The following SYT14 variants were observed in gnomAD, a reference collection of about 807,000 sequenced individuals.
SYT14 encodes the protein synaptotagmin 14, also known as synaptotagmin-14.
In SYT14, 32 loss-of-function variants were observed where a neutral mutation model predicts 74.2. That is an observed-to-expected ratio of 0.43 (90% CI 0.33 to 0.58). The LOEUF is 0.58. SYT14 is among the 20% of genes least tolerant of loss of function. SYT14 has a pLI of 0.05. For missense variants in SYT14, 791 were observed against 981.8 expected (o/e 0.81, Z 2.60); for synonymous variants, 298 against 337.7 (o/e 0.88, Z 1.29).
intron 7 of SYT14, among the ~76,000 whole-genome samples, chr1:210,147,188 CAA>C (rs1398773139): frequency 1.3e-5 from 2 of 151,162 alleles, no homozygotes; most frequent in African/African-American, 2.4e-5. Context: ...AAGAATAAGA[CAA>C]TGTGGGAAAA....
chr1:209,938,335 T>C, intron 1 of SYT14, 58 bp downstream of exon 1: 1 of 1,514,286 alleles, frequency 6.6e-7, no homozygotes, highest in Non-Finnish European at 8.9e-7. Context: ...GGCGGGGGGC[T>C]CGGAGGTGCG....
intron 3 of SYT14, among the ~76,000 whole-genome samples, chr1:210,015,482 G>C (rs1326959646): frequency 6.6e-6 from 1 of 152,146 alleles, no homozygotes; most frequent in Non-Finnish European, 1.5e-5. Context: ...GCATATAGTA[G>C]CCACTCAGCA....
intron 5 of SYT14, among the ~76,000 whole-genome samples, chr1:210,090,535 A>G (rs1012660091): frequency 2.6e-5 from 4 of 152,290 alleles, no homozygotes; most frequent in East Asian, 1.9e-4. Context: ...TGTAGGTGCT[A>G]TGCAATATGC....
chr1:210,032,159 T>C (rs2080552171), intron 5 of SYT14, among the ~76,000 whole-genome samples: 1 of 152,070 alleles, frequency 6.6e-6, no homozygotes, highest in South Asian at 2.1e-4. Context: ...CTGAAGATGC[T>C]AGATTAAGAA....
At chr1:209,976,858 C>G (rs1338569599) in intron 2 of SYT14, among the ~76,000 whole-genome samples, 1 of 152,054 alleles carries the variant, frequency 6.6e-6, no homozygotes, top group East Asian at 1.9e-4. Context: ...TTGTAGGTCT[C>G]TAAGGACTTG....
chr1:210,058,550 A>G (rs2081142156), intron 5 of SYT14, among the ~76,000 whole-genome samples: 1 of 152,216 alleles, frequency 6.6e-6, no homozygotes, highest in Admixed American at 6.5e-5. Context: ...TGCTGACCAC[A>G]GGGGAAGACT....
chr1:210,148,779 A>G (rs1345653803), intron 7 of SYT14, among the ~76,000 whole-genome samples: 1 of 152,194 alleles, frequency 6.6e-6, no homozygotes, highest in African/African-American at 2.4e-5. Flanking sequence ...TTCAGTGAAC[A>G]AGTAACTTCT....
intron 2 of SYT14, among the ~76,000 whole-genome samples, chr1:209,998,567 C>G (rs911123401): frequency 6.6e-5 from 10 of 151,926 alleles, no homozygotes; most frequent in African/African-American, 2.2e-4. Flanking sequence ...GCTATAGTAA[C>G]AGAACAGCAT....
intron 2 of SYT14, 122 bp downstream of exon 2, chr1:209,952,878 C>A (rs538981611): frequency 2.7e-6 from 3 of 1,129,586 alleles, no homozygotes; most frequent in Non-Finnish European, 3.9e-6. Flanking sequence ...TAAATATTAA[C>A]ATTTGTCTTA....
intron 2 of SYT14, chr1:209,965,965 G>C (rs935088223): frequency 2.2e-6 from 1 of 454,166 alleles, no homozygotes; most frequent in South Asian, 1.6e-5. Context: ...CCGCCTCCTG[G>C]GTTCAAACGA....
chr1:210,049,838 TG>T (rs2080958841), intron 5 of SYT14, among the ~76,000 whole-genome samples: 1 of 152,192 alleles, frequency 6.6e-6, no homozygotes, highest in Admixed American at 6.5e-5. Context: ...ATGGAGCAGC[TG>T]TGATGCAGGG....
chr1:210,163,667 C>T (rs2083418508), exon 10 of SYT14: 1 of 453,716 alleles, frequency 2.2e-6, no homozygotes, highest in Non-Finnish European at 4.4e-6. Context: ...GCAAAATATA[C>T]ATTTGTTTCT....
chr1:210,007,530 G>A (rs531753460), intron 2 of SYT14, among the ~76,000 whole-genome samples: 2 of 152,090 alleles, frequency 1.3e-5, no homozygotes, highest in Admixed American at 1.3e-4. Context: ...ATTTTGAATA[G>A]TAACTTGAAT....
intron 5 of SYT14, among the ~76,000 whole-genome samples, chr1:210,060,326 C>CTACT (rs1392982700): frequency 6.6e-6 from 1 of 152,092 alleles, no homozygotes; most frequent in Non-Finnish European, 1.5e-5. Context: ...CTAAGTAGAG[C>CTACT]TACTAAAATT....
At chr1:210,120,610 A>G (rs1422941383) in intron 7 of SYT14, among the ~76,000 whole-genome samples, 1 of 152,170 alleles carries the variant, frequency 6.6e-6, no homozygotes, top group East Asian at 1.9e-4. Context: ...TATACCATCT[A>G]GGTTTGTGTA....
chr1:209,971,666 A>T (rs529826363), intron 2 of SYT14, among the ~76,000 whole-genome samples: 15 of 152,156 alleles, frequency 9.9e-5, no homozygotes, highest in African/African-American at 3.6e-4. Flanking sequence ...TTCTTAACTC[A>T]GTTTATGCGG....
intron 2 of SYT14, among the ~76,000 whole-genome samples, chr1:209,965,426 T>C (rs527523564): frequency 4.6e-5 from 7 of 152,344 alleles, no homozygotes; most frequent in African/African-American, 1.7e-4. Context: ...TTCCATGATA[T>C]ATATGTACCA....
exon 10 of SYT14, chr1:210,164,418 A>G (rs1168170490): frequency 5.8e-6 from 1 of 172,478 alleles, no homozygotes; most frequent in Non-Finnish European, 1.3e-5. Context: ...CATTTGCTTG[A>G]TACCATCATC....
chr1:209,975,179 C>G (rs1572094984), intron 2 of SYT14, among the ~76,000 whole-genome samples: 1 of 152,188 alleles, frequency 6.6e-6, no homozygotes, highest in African/African-American at 2.4e-5. Flanking sequence ...TTGACTTCCT[C>G]TTTTCCTAAT....
Sources: gnomAD v4.1 joint callset for allele counts (sites outside exome capture counted in the v4.1 genomes callset) on GRCh38, gnomAD v4.1.1 for gene constraint, MANE v1.5 for transcripts, NCBI Gene and HGNC (gene_info 2026-07-23, HGNC 2026-07-21) for gene names.